TMED8: variants seen among roughly 807,000 people sequenced by gnomAD.
TMED8 encodes the protein protein TMED8.
A neutral mutation model predicts 32.7 loss-of-function variants in TMED8; 15 were observed. The observed-to-expected ratio is 0.46, with a 90% confidence interval of 0.31 to 0.71. The LOEUF (loss-of-function observed/expected upper bound fraction) is 0.71. TMED8 is among the 30% of genes least tolerant of loss of function. TMED8 has a pLI of 0.06. For missense variants in TMED8, 390 were observed against 423.9 expected (o/e 0.92, Z 0.70); for synonymous variants, 147 against 161.4 (o/e 0.91, Z 0.68).
At chr14:77,346,258 C>A in intron 3 of TMED8, 91 bp downstream of exon 3, 4 of 1,382,332 alleles carry the variant, frequency 2.9e-6, no homozygotes, top group Non-Finnish European at 3.9e-6. Flanking sequence ...CGGGAGCCAC[C>A]CTCGCAGTGC....
chr14:77,367,074 G>A (rs1005264611), intron 1 of TMED8, among the ~76,000 whole-genome samples: 10 of 151,336 alleles, frequency 6.6e-5, no homozygotes, highest in East Asian at 3.9e-4. Context: ...GTAAAACCCC[G>A]CCTCTACTAA....
intron 1 of TMED8, among the ~76,000 whole-genome samples, chr14:77,368,697 G>A (rs1273105146): frequency 2.0e-5 from 3 of 152,056 alleles, no homozygotes; most frequent in Admixed American, 6.5e-5. Flanking sequence ...GGCTGTTCTC[G>A]AACTCCTGAC....
intron 1 of TMED8, among the ~76,000 whole-genome samples, chr14:77,367,672 AG>A (rs1200926983): frequency 5.9e-5 from 9 of 151,902 alleles, no homozygotes; most frequent in African/African-American, 1.9e-4. Context: ...ATGTAATTGT[AG>A]GTAGGTTTGT....
chr14:77,372,927 TATATATATATATATATATATATA>T lies in TMED8; in HGVS notation c.118+3986_118+4008del, dbSNP rs1156668578. On this transcript the variant is annotated intron_variant, in intron 1 of 5. Transcript: ENST00000216468. ...GATATTATATATATATATATATATA[TATATATATATATATATATATATA>T]TATTTTTTTTTTTTTTTTTTTTTTT... Among the ~76,000 whole-genome samples the T allele has an allele frequency of 5.9e-3, 186 of 31,452 alleles. 4 individuals carry two copies. Among genetic ancestry groups the T allele is most frequent in the Non-Finnish European group, 7.6e-3 (131 of 17,280 alleles). 20.6% of individuals were successfully genotyped at this position (31,452 alleles called of 152,430 possible).
chr14:77,359,837 A>C (rs555360667), intron 1 of TMED8: 1 of 183,284 alleles, frequency 5.5e-6, no homozygotes, highest in South Asian at 1.3e-4. Context: ...GCACTCTGAC[A>C]GTGAGAAAAA....
Position 77,341,984 on chromosome 14 carries a change from G to C in TMED8, c.765C>G (p.Pro255=). 6.2e-7 allele frequency: 1 copy of C among 1,613,878 alleles called. No individual in the cohort carries two copies. The highest frequency in any genetic ancestry group is 8.5e-7 in the Non-Finnish European group (1 of 1,179,968). ...CTCTCTCCACATCTCCAGCTGGAAC[G>C]GGTTCTGCGTGAGCAAAATGGCAAA... ...EEEEEEEIEE[P]VPAGDVERGS... The change falls in exon 6 of 6, where the codon CCC becomes CCG. Residue 255 remains proline (P), a synonymous_variant. Coordinates refer to ENST00000216468, the MANE Select transcript of TMED8 (RefSeq NM_213601.3).
At position 77,338,629 on chromosome 14, in the gene TMED8, T is replaced by G. The variant is rs1437660382; in HGVS notation, c.*3142A>C. 1.3e-5 allele frequency: 2 copies of G among 152,208 alleles called. No individual in the cohort carries two copies. The highest frequency in any genetic ancestry group is 4.8e-5 in the African/African-American group (2 of 41,448). 9.4% of individuals were successfully genotyped at this position (152,208 alleles called of 1,614,324 possible). On this transcript the variant is annotated 3_prime_UTR_variant, in exon 6 of 6. Coordinates refer to ENST00000216468, the MANE Select transcript of TMED8 (RefSeq NM_213601.3). ...TATGGCTTTGCCTGGACCTTCTGTCTCCCTCAAATGTATAAAACTGTAACC... is the reference window on the plus strand; with the variant it reads ...TATGGCTTTGCCTGGACCTTCTGTCGCCCTCAAATGTATAAAACTGTAACC...
chr14:77,357,846 G>A (rs1893326748), intron 1 of TMED8, among the ~76,000 whole-genome samples: 2 of 152,206 alleles, frequency 1.3e-5, no homozygotes, highest in South Asian at 4.2e-4. Context: ...TTTAAAGGCT[G>A]GGCATGGTAG....
intron 1 of TMED8, among the ~76,000 whole-genome samples, chr14:77,371,287 T>C (rs1187167527): frequency 6.6e-6 from 1 of 152,212 alleles, no homozygotes; most frequent in Non-Finnish European, 1.5e-5. Context: ...TAGCAAAGCA[T>C]GAGAGTGTCT....
intron 3 of TMED8, among the ~76,000 whole-genome samples, chr14:77,346,025 T>A (rs1333030028): frequency 6.9e-6 from 1 of 144,884 alleles, no homozygotes; most frequent in African/African-American, 2.5e-5. Context: ...ACTAAATAGA[T>A]CTACCACAAG....
chr14:77,357,410 A>T (rs574019698), intron 1 of TMED8, among the ~76,000 whole-genome samples: 22 of 152,260 alleles, frequency 1.4e-4, no homozygotes, highest in Non-Finnish European at 2.8e-4. Context: ...ATTAAAAACT[A>T]GAAAATGACT....
chr14:77,343,144 A>G (rs1302028776), intron 5 of TMED8, 34 bp downstream of exon 5: 11 of 1,598,004 alleles, frequency 6.9e-6, no homozygotes, highest in Non-Finnish European at 8.5e-6. Flanking sequence ...AGATTAAGCC[A>G]GAAAACTGCA....
At chr14:77,356,738 G>T (rs1286575882) in intron 1 of TMED8, among the ~76,000 whole-genome samples, 1 of 152,156 alleles carries the variant, frequency 6.6e-6, no homozygotes, top group African/African-American at 2.4e-5. Context: ...CTTAGGAGCT[G>T]GTTTGTTTGA....
intron 2 of TMED8, among the ~76,000 whole-genome samples, chr14:77,347,540 T>C (rs1594842131): frequency 6.6e-6 from 1 of 152,162 alleles, no homozygotes; most frequent in African/African-American, 2.4e-5. Flanking sequence ...GTAGCTGGGA[T>C]CACAGGCATG....
chr14:77,356,644 C>G (rs1893296961), intron 1 of TMED8, among the ~76,000 whole-genome samples: 2 of 152,216 alleles, frequency 1.3e-5, no homozygotes, highest in Non-Finnish European at 2.9e-5. Flanking sequence ...AACATTATCA[C>G]TCCTACAAAA....
rs1892868264 is a variant in TMED8, at chr14:77,340,445, CAG to C, written c.*1324_*1325del. The C allele has an allele frequency of 6.6e-6, 1 of 152,180 alleles. No individual in the cohort carries two copies. The highest frequency in any genetic ancestry group is 1.5e-5 in the Non-Finnish European group (1 of 68,040). The allele number at this position is 152,180 out of a possible 1,614,324, so 9.4% of individuals were successfully genotyped here. A position where few individuals can be genotyped will look rare whatever the true frequency, so the allele number is the denominator to read the frequency against. On this transcript the variant is annotated 3_prime_UTR_variant, in exon 6 of 6. Coordinates refer to ENST00000216468, the MANE Select transcript of TMED8 (RefSeq NM_213601.3). ...ATTCTTCAGAATTCGTAGGCAGTAACAGACATAACACGAGGAGTAAGAGACAG... is the reference window on the plus strand; with the variant it reads ...ATTCTTCAGAATTCGTAGGCAGTAACACATAACACGAGGAGTAAGAGACAG...
intron 1 of TMED8, among the ~76,000 whole-genome samples, chr14:77,354,002 T>C (rs1015403875): frequency 2.0e-5 from 3 of 152,202 alleles, no homozygotes; most frequent in South Asian, 4.1e-4. Context: ...CTTTCCCATA[T>C]TGACAGCTGG....
intron 1 of TMED8, among the ~76,000 whole-genome samples, chr14:77,370,167 G>A (rs370826782): frequency 0.033 from 2,501 of 74,800 alleles, 58 homozygotes; most frequent in African/African-American, 0.15. Flanking sequence ...GCGAGACTCC[G>A]TTTCAAAAAA....
At chr14:77,370,973 G>A (rs1002949254) in intron 1 of TMED8, among the ~76,000 whole-genome samples, 1 of 151,848 alleles carries the variant, frequency 6.6e-6, no homozygotes, top group Non-Finnish European at 1.5e-5. Context: ...GTCGGGGGGA[G>A]CATGCTGGAC....
Sources: gnomAD v4.1 joint callset for allele counts (sites outside exome capture counted in the v4.1 genomes callset) on GRCh38, gnomAD v4.1.1 for gene constraint, MANE v1.5 for transcripts, NCBI Gene and HGNC (gene_info 2026-07-23, HGNC 2026-07-21) for gene names.